Variants in TACC1 observed in about 807,000 individuals in gnomAD.
The protein encoded by TACC1 is transforming acidic coiled-coil containing protein 1.
TACC1 carries 48 observed loss-of-function variants against 84.4 expected under a neutral mutation model. The observed-to-expected ratio is 0.57, with a 90% CI of 0.45 to 0.72. TACC1 has a LOEUF of 0.72. Ranked by LOEUF, TACC1 falls within the 30% of genes least tolerant of loss-of-function variation. The pLI, the probability that TACC1 is intolerant of heterozygous loss-of-function variation, is 0.00. For synonymous variants in TACC1, 372 were observed against 376.3 expected, an observed-to-expected ratio of 0.99 and a Z score of 0.13; for missense variants, 920 against 973.0, an observed-to-expected ratio of 0.95 and a Z score of 0.72.
rs181196767 is a variant in TACC1, at chr8:38,772,839, A to G, written c.27-15865A>G. On this transcript the variant is annotated intron_variant, in intron 3 of 14. Coordinates refer to the TACC1 transcript ENST00000518415. ...AAATTGATACTTGTTAACATTAAAT[A>G]TCAATAAATTTTATGTATTAATATA... 1.6e-4 allele frequency among the ~76,000 whole-genome samples: 25 copies of G among 152,166 alleles called. No homozygotes were observed. In the East Asian group the frequency reaches 2.9e-3, roughly 18 times the overall value.
chr8:38,742,288 T>C, intron 1 of TACC1: 1 of 671,844 alleles, frequency 1.5e-6, no homozygotes, highest in South Asian at 4.4e-5. Flanking sequence ...GGTTGGAAAC[T>C]TGTGCTGGAA....
rs771462401 is a variant in TACC1, at chr8:38,846,796, C to T, written c.2326C>T (p.Leu776=). The T allele has an allele frequency of 1.9e-6, 3 of 1,614,128 alleles. No individual in the cohort carries two copies. Among genetic ancestry groups the T allele is most frequent in the South Asian group, 2.2e-5 (2 of 91,076 alleles). ...CAAAGAGCAGATGAAGGTGGAGTCC[C>T]TGGAAAGGGCCCTGCAGCAGAAGGT... The part of the protein sequence containing the change: ...LRKEQMKVES[L]ERALQQKNQE... Residue 776 remains leucine (L), a synonymous_variant, in exon 12 of 13, where the codon CTG becomes TTG. Transcript: ENST00000317827.
chr8:38,832,847 C>T (rs960125290), intron 6 of TACC1, among the ~76,000 whole-genome samples: 94 of 152,296 alleles, frequency 6.2e-4, no homozygotes, highest in African/African-American at 2.2e-3. Context: ...CAGCACACTG[C>T]CACAGATTAG....
At chr8:38,796,398 A>G (rs1179522471) in intron 2 of TACC1, among the ~76,000 whole-genome samples, 1 of 152,258 alleles carries the variant, frequency 6.6e-6, no homozygotes, top group Non-Finnish European at 1.5e-5. Context: ...GGGTCTTAAA[A>G]TGTTGCCAGA....
intron 1 of TACC1, among the ~76,000 whole-genome samples, chr8:38,734,339 C>T (rs532919169): frequency 1.3e-5 from 2 of 152,240 alleles, no homozygotes; most frequent in South Asian, 4.1e-4. Context: ...ATTACAGGCA[C>T]CTGCCACCAC....
chr8:38,822,661 T>A (rs1030538006), intron 3 of TACC1, among the ~76,000 whole-genome samples: 7 of 152,236 alleles, frequency 4.6e-5, no homozygotes, highest in Non-Finnish European at 2.9e-5. Flanking sequence ...GGTACAGCTA[T>A]ACAAAAATAT....
At chr8:38,832,739 T>C (rs1281386331) in intron 6 of TACC1, among the ~76,000 whole-genome samples, 1 of 152,240 alleles carries the variant, frequency 6.6e-6, no homozygotes, top group African/African-American at 2.4e-5. Context: ...TTAAATGTTT[T>C]AAAAGGTGAG....
chr8:38,756,135 A>G (rs1178811188), intron 3 of TACC1, among the ~76,000 whole-genome samples: 1 of 151,920 alleles, frequency 6.6e-6, no homozygotes, highest in Non-Finnish European at 1.5e-5. Context: ...ATTATAAAAT[A>G]AGATTGGTAA....
rs1478094604 is a variant in TACC1, at chr8:38,836,196, T to TGTC, written c.1750_1752dup (p.Ser584dup). 1 of 1,613,480 alleles carries TGTC rather than the reference T, an allele frequency of 6.2e-7. No individual in the cohort carries two copies. Reference sequence around the variant, plus strand: ...GAGTCCTCTGCAGAGAAGGCCCCTGTGTCGGTGTCCTGTGGAGGTGAGAGC... The same window carrying TGTC: ...GAGTCCTCTGCAGAGAAGGCCCCTGTGTCGTCGGTGTCCTGTGGAGGTGAGAGC... On this transcript the variant is annotated inframe_insertion, in exon 7 of 13. Transcript: ENST00000317827.
chr8:38,734,445 G>T (rs1293449017), intron 1 of TACC1, among the ~76,000 whole-genome samples: 1 of 152,040 alleles, frequency 6.6e-6, no homozygotes, highest in Non-Finnish European at 1.5e-5. Flanking sequence ...ATCCGCCCTC[G>T]TTGGCCTCCC....
intron 12 of TACC1, 148 bp from the exon 13 acceptor site, chr8:38,847,806 CT>C: frequency 1.8e-6 from 1 of 568,148 alleles, no homozygotes; most frequent in Non-Finnish European, 3.0e-6. Context: ...GCCTTTTTTT[CT>C]TTAAAGCATC....
At chr8:38,824,980 A>G (rs993401586) in intron 3 of TACC1, among the ~76,000 whole-genome samples, 1 of 152,182 alleles carries the variant, frequency 6.6e-6, no homozygotes, top group Non-Finnish European at 1.5e-5. Flanking sequence ...TCCAGCTGCT[A>G]AGGCTCTACT....
chr8:38,814,520 A>G (rs904112714), intron 2 of TACC1, among the ~76,000 whole-genome samples: 7 of 152,190 alleles, frequency 4.6e-5, no homozygotes, highest in Admixed American at 2.0e-4. Context: ...GTAGCCTAGG[A>G]GCAATAGGCT....
intron 2 of TACC1, among the ~76,000 whole-genome samples, chr8:38,807,317 A>G (rs982711476): frequency 6.6e-6 from 1 of 152,128 alleles, no homozygotes; most frequent in Non-Finnish European, 1.5e-5. Flanking sequence ...CTTGGATATG[A>G]GATATTGTTT....
intron 2 of TACC1, among the ~76,000 whole-genome samples, chr8:38,799,380 T>G (rs1349418658): frequency 6.6e-6 from 1 of 152,242 alleles, no homozygotes; most frequent in Non-Finnish European, 1.5e-5. Flanking sequence ...CAGCTCTGTC[T>G]TGGACGCTCA....
intron 9 of TACC1, among the ~76,000 whole-genome samples, chr8:38,840,867 T>C (rs540054687): frequency 6.6e-5 from 10 of 152,102 alleles, no homozygotes; most frequent in Admixed American, 2.0e-4. Flanking sequence ...CTGACCAACA[T>C]GGAGAAACCC....
rs529846035 is a variant in TACC1, at chr8:38,814,270, T to C, written c.278-5252T>C. On this transcript the variant is annotated intron_variant, in intron 2 of 12. Coordinates refer to ENST00000317827, the MANE Select transcript of TACC1 (RefSeq NM_006283.3). ...GGGTACTGAGTTCCCAGGCACAGTCTGATAGTTTCAGGGTCAGAATTTTAT... is the reference window on the plus strand; with the variant it reads ...GGGTACTGAGTTCCCAGGCACAGTCCGATAGTTTCAGGGTCAGAATTTTAT... 1.2e-4 allele frequency among the ~76,000 whole-genome samples: 19 copies of C among 152,326 alleles called. No individual in the cohort carries two copies. In the East Asian group the frequency reaches 3.1e-3, roughly 25 times the overall value.
intron 10 of TACC1, among the ~76,000 whole-genome samples, chr8:38,842,664 C>T (rs915159914): frequency 2.0e-5 from 3 of 152,232 alleles, no homozygotes; most frequent in Non-Finnish European, 4.4e-5. Context: ...GGTGCCATGT[C>T]TTGGCCATTC....
chr8:38,746,222 G>A (rs998574430), intron 3 of TACC1, among the ~76,000 whole-genome samples: 7 of 152,260 alleles, frequency 4.6e-5, no homozygotes, highest in Admixed American at 1.3e-4. Flanking sequence ...TTGATTAATC[G>A]AAATCTCAGC....
Sources: allele counts gnomAD v4.1 joint callset (sites outside exome capture counted in the v4.1 genomes callset), GRCh38; gene constraint gnomAD v4.1.1; transcripts MANE v1.5; gene names NCBI Gene and HGNC (gene_info 2026-07-23, HGNC 2026-07-21).